Variants in UTRN observed in about 807,000 individuals in gnomAD.
UTRN encodes utrophin.
A neutral mutation model predicts 463.9 loss-of-function variants in UTRN; 283 were observed. That is an observed-to-expected ratio of 0.61 (90% CI 0.55 to 0.67). The LOEUF is 0.67. Among genes scored for constraint, UTRN ranks in the 30% least tolerant of loss-of-function variants. UTRN has a pLI of 0.00. For synonymous variants in UTRN, 1,442 were observed against 1,431.5 expected, an observed-to-expected ratio of 1.01 and a Z score of -0.17; for missense variants, 3,922 against 4,084.3, an observed-to-expected ratio of 0.96 and a Z score of 1.08.
chr6:144,544,761 A>G (rs1798257199), intron 46 of UTRN, among the ~76,000 whole-genome samples: 1 of 152,012 alleles, frequency 6.6e-6, no homozygotes, highest in Non-Finnish European at 1.5e-5. Flanking sequence ...CTGCGGCTGT[A>G]CCCATATACT....
At chr6:144,750,751 C>T (rs1791305438) in intron 55 of UTRN, among the ~76,000 whole-genome samples, 1 of 152,128 alleles carries the variant, frequency 6.6e-6, no homozygotes, top group African/African-American at 2.4e-5. Flanking sequence ...TTTTGTGGGC[C>T]TTTGTCAATA....
intron 45 of UTRN, among the ~76,000 whole-genome samples, chr6:144,542,013 A>G (rs538510539): frequency 2.9e-4 from 44 of 152,216 alleles, no homozygotes; most frequent in Non-Finnish European, 5.6e-4. Context: ...GAGATCCTGG[A>G]GGACTCACTG....
chr6:144,639,609 A>G (rs974582402), intron 51 of UTRN, among the ~76,000 whole-genome samples: 6 of 152,094 alleles, frequency 3.9e-5, no homozygotes, highest in South Asian at 2.1e-4. Flanking sequence ...AAATTTAGGT[A>G]TCATTCTTGA....
intron 50 of UTRN, among the ~76,000 whole-genome samples, chr6:144,571,115 A>G (rs975273115): frequency 7.2e-5 from 11 of 152,192 alleles, no homozygotes; most frequent in African/African-American, 2.7e-4. Context: ...GAATGTTCTT[A>G]AAGGAGAATC....
chr6:144,354,167 G>A (rs1778354542), intron 2 of UTRN, among the ~76,000 whole-genome samples: 1 of 152,134 alleles, frequency 6.6e-6, no homozygotes. Context: ...ATCTAAAGCA[G>A]TAAATGAGAA....
rs1199579909 is a variant in UTRN at position 144,622,184 on chromosome 6, G to GTTTTTTTTT, written c.7479+44909_7479+44917dup. Among the ~76,000 whole-genome samples, 162 of 88,204 alleles carry GTTTTTTTTT rather than the reference G, an allele frequency of 1.8e-3. 6 individuals are homozygous for GTTTTTTTTT. The highest frequency in any genetic ancestry group is 3.3e-3 in the South Asian group (7 of 2,120). 57.9% of individuals were successfully genotyped at this position (88,204 alleles called of 152,430 possible). ...TAGATGGTATCCATTTTTTTTTGTTGTTTTTTTTTTTTTTTTTTTTTGGAG... is the reference window on the plus strand; with the variant it reads ...TAGATGGTATCCATTTTTTTTTGTTGTTTTTTTTTTTTTTTTTTTTTTTTTTTTTTGGAG... On this transcript the variant is annotated intron_variant, in intron 51 of 74. Coordinates refer to ENST00000367545, the MANE Select transcript of UTRN (RefSeq NM_007124.3).
intron 2 of UTRN, among the ~76,000 whole-genome samples, chr6:144,378,362 C>A (rs762337890): frequency 6.6e-6 from 1 of 152,170 alleles, no homozygotes. Flanking sequence ...CTATAGAGAT[C>A]AAAGTTGACA....
chr6:144,730,227 A>C, intron 53 of UTRN, 130 bp from the exon 54 acceptor site: 1 of 1,066,834 alleles, frequency 9.4e-7, no homozygotes, highest in Non-Finnish European at 1.2e-6. Context: ...TTTGGCTTCT[A>C]ACTTAGCTGA....
At chr6:144,676,801 C>T (rs537530228) in intron 51 of UTRN, among the ~76,000 whole-genome samples, 15 of 152,046 alleles carry the variant, frequency 9.9e-5, no homozygotes, top group African/African-American at 3.1e-4. Context: ...TTTTATAAGA[C>T]TGAAAGGACA....
intron 9 of UTRN, among the ~76,000 whole-genome samples, chr6:144,433,204 A>T (rs1286133614): frequency 1.8e-4 from 28 of 151,522 alleles, no homozygotes; most frequent in Non-Finnish European, 4.0e-4. Flanking sequence ...TGTTGGGTAC[A>T]CCTCCCAGAC....
intron 50 of UTRN, among the ~76,000 whole-genome samples, chr6:144,564,064 C>G (rs942593156): frequency 5.9e-5 from 9 of 152,106 alleles, no homozygotes; most frequent in Non-Finnish European, 1.2e-4. Context: ...ATTTAGCTTC[C>G]TATTTGCCAA....
intron 51 of UTRN, among the ~76,000 whole-genome samples, chr6:144,645,893 A>T (rs960482709): frequency 6.6e-6 from 1 of 152,174 alleles, no homozygotes; most frequent in African/African-American, 2.4e-5. Flanking sequence ...TTATGTCAAA[A>T]TGGTATTCAG....
At chr6:144,347,847 T>TG (rs1562276619) in intron 2 of UTRN, among the ~76,000 whole-genome samples, 4 of 145,892 alleles carry the variant, frequency 2.7e-5, no homozygotes, top group African/African-American at 1.1e-4. Context: ...GTTTTTTTTT[T>TG]TTGTTTTTTT....
At chr6:144,762,723 A>T (rs1287630072) in intron 58 of UTRN, among the ~76,000 whole-genome samples, 1 of 152,158 alleles carries the variant, frequency 6.6e-6, no homozygotes, top group Non-Finnish European at 1.5e-5. Flanking sequence ...CCCCATTCAC[A>T]TGATCTGAAG....
chr6:144,400,056 C>T (rs1206765424), intron 2 of UTRN, among the ~76,000 whole-genome samples: 2 of 152,096 alleles, frequency 1.3e-5, no homozygotes, highest in African/African-American at 4.8e-5. Flanking sequence ...CGTGTTCATC[C>T]CTCTAATGGA....
At chr6:144,364,850 C>A (rs1472216822) in intron 2 of UTRN, among the ~76,000 whole-genome samples, 2 of 152,184 alleles carry the variant, frequency 1.3e-5, no homozygotes, top group African/African-American at 4.8e-5. Context: ...TCTTCAAAAC[C>A]AACAGTGGTG....
At chr6:144,479,276 G>A (rs1202808295) in intron 25 of UTRN, among the ~76,000 whole-genome samples, 1 of 151,904 alleles carries the variant, frequency 6.6e-6, no homozygotes, top group African/African-American at 2.4e-5. Flanking sequence ...GCACCACCAT[G>A]CCTGGTTAGT....
chr6:144,565,274 A>T (rs1458550478), intron 50 of UTRN, among the ~76,000 whole-genome samples: 1 of 152,206 alleles, frequency 6.6e-6, no homozygotes, highest in Non-Finnish European at 1.5e-5. Context: ...CAAAAATTGC[A>T]AGTTGGATTT....
intron 2 of UTRN, among the ~76,000 whole-genome samples, chr6:144,307,900 A>T (rs534841344): frequency 1.3e-5 from 2 of 151,824 alleles, no homozygotes; most frequent in South Asian, 4.1e-4. Flanking sequence ...TTTTTCTGAC[A>T]TCAAAAGAAA....
Sources: allele counts gnomAD v4.1 joint callset (sites outside exome capture counted in the v4.1 genomes callset), GRCh38; gene constraint gnomAD v4.1.1; transcripts MANE v1.5; gene names NCBI Gene and HGNC (gene_info 2026-07-23, HGNC 2026-07-21).